Variants in LRRC9 observed in about 807,000 individuals in gnomAD.
LRRC9 encodes the protein leucine rich repeat containing 9.
LRRC9 carries 122 observed loss-of-function variants against 63.2 expected under a neutral mutation model. The observed-to-expected ratio is 1.93, with a 90% CI of 1.67 to 2.24. LRRC9 has a LOEUF of 2.24. LRRC9 is among the 30% of genes most tolerant of loss of function. The pLI is 0.00. For synonymous variants in LRRC9, 366 were observed against 213.1 expected, an observed-to-expected ratio of 1.72 and a Z score of -6.25; for missense variants, 1,071 against 627.7, an observed-to-expected ratio of 1.71 and a Z score of -7.55.
intron 1 of LRRC9, among the ~76,000 whole-genome samples, chr14:59,921,814 G>A (rs935566796): frequency 2.7e-5 from 4 of 150,414 alleles, no homozygotes; most frequent in South Asian, 2.1e-4. Flanking sequence ...GGCCAGGCAC[G>A]GTGGCTCATG....
intron 23 of LRRC9, among the ~76,000 whole-genome samples, chr14:60,015,385 G>C (rs1406871963): frequency 2.0e-5 from 3 of 152,082 alleles, no homozygotes; most frequent in Admixed American, 6.6e-5. Context: ...GGTATTATGT[G>C]GGTCTTATTT....
intron 20 of LRRC9, 86 bp downstream of exon 20, chr14:60,002,186 G>A (rs1266085088): frequency 1.9e-6 from 1 of 526,946 alleles, no homozygotes; most frequent in Non-Finnish European, 3.4e-6. Flanking sequence ...CATAAAGAGG[G>A]CACAGATAGG....
intron 1 of LRRC9, among the ~76,000 whole-genome samples, chr14:59,926,524 T>C (rs553782220): frequency 6.3e-4 from 96 of 152,300 alleles, no homozygotes; most frequent in Non-Finnish European, 1.0e-3. Context: ...CATAGGTATC[T>C]AATTTTATTT....
At chr14:59,985,418 T>C (rs975439232) in intron 17 of LRRC9, among the ~76,000 whole-genome samples, 194 bp downstream of exon 17, 1 of 152,210 alleles carries the variant, frequency 6.6e-6, no homozygotes, top group Non-Finnish European at 1.5e-5. Flanking sequence ...AATTTGATTG[T>C]GGTAATCATT....
chr14:60,035,887 G>T (rs559614837), intron 29 of LRRC9, among the ~76,000 whole-genome samples: 8 of 152,218 alleles, frequency 5.3e-5, no homozygotes, highest in African/African-American at 1.4e-4. Context: ...GATAGGGATT[G>T]CACTGAATAT....
At position 60,011,882 on chromosome 14, in the gene LRRC9, C is replaced by T. The variant is rs530445590; in HGVS notation, c.3186+3668C>T. 2.0e-5 allele frequency among the ~76,000 whole-genome samples: 3 copies of T among 152,292 alleles called. No individual in the cohort carries two copies. The East Asian group carries it at 5.8e-4, about 29-fold the overall frequency. ...ACATTAGTTTTATATGACAGAAGAT[C>T]ATCTGACTGGAGATGTCAAGCAGGC... is the stretch of plus-strand genomic sequence containing the variant. On this transcript the variant is annotated intron_variant, in intron 23 of 31. Transcript: ENST00000445360.
chr14:60,063,695 A>G (rs1595139808), downstream of LRRC9: 2 of 243,322 alleles, frequency 8.2e-6, no homozygotes, highest in East Asian at 1.5e-4. Flanking sequence ...TTCTAGTATT[A>G]GAAACATTTA....
intron 29 of LRRC9, among the ~76,000 whole-genome samples, chr14:60,038,350 A>G (rs974071154): frequency 1.3e-5 from 2 of 152,030 alleles, no homozygotes; most frequent in African/African-American, 4.8e-5. Flanking sequence ...TATAAATTAC[A>G]TTGGGCAGTA....
At chr14:59,992,298 A>G (rs1179274619) in intron 17 of LRRC9, among the ~76,000 whole-genome samples, 1 of 152,186 alleles carries the variant, frequency 6.6e-6, no homozygotes, top group Non-Finnish European at 1.5e-5. Context: ...CATCCACACC[A>G]AAACCCCATC....
chr14:59,939,349 G>A (rs1450447698), intron 7 of LRRC9, among the ~76,000 whole-genome samples: 1 of 151,970 alleles, frequency 6.6e-6, no homozygotes, highest in Non-Finnish European at 1.5e-5. Context: ...GATTATGTGA[G>A]ACTGTAGACT....
At position 60,053,932 on chromosome 14, in the gene LRRC9, G is replaced by C. The variant is rs1175351963; in HGVS notation, c.4131+727G>C. The C allele has an allele frequency of 2.2e-6, 1 of 455,444 alleles. No homozygotes were observed. The highest frequency in any genetic ancestry group is 4.4e-6 in the Non-Finnish European group (1 of 226,626). The allele number at this position is 455,444 out of a possible 1,614,324, so 28.2% of individuals were successfully genotyped here. A position where few individuals can be genotyped will look rare whatever the true frequency, so the allele number is the denominator to read the frequency against. Reference sequence around the variant, plus strand: ...GAAAAAAAGAGGCTGGAGGGAGAAGGGAAACCAGCTCAGAGGCTTTTAGAA... The same window carrying C: ...GAAAAAAAGAGGCTGGAGGGAGAAGCGAAACCAGCTCAGAGGCTTTTAGAA... On this transcript the variant is annotated intron_variant, in intron 30 of 31. Transcript: ENST00000445360. The surrounding 1 kb of genome is among the most constrained non-coding windows in gnomAD (Gnocchi z 4.8).
intron 17 of LRRC9, among the ~76,000 whole-genome samples, chr14:59,991,694 T>C (rs186730129): frequency 6.6e-6 from 1 of 152,304 alleles, no homozygotes; most frequent in East Asian, 1.9e-4. Flanking sequence ...CGGAGGGTCC[T>C]ACGCCCATGG....
intron 16 of LRRC9, 126 bp downstream of exon 16, chr14:59,982,186 G>A (rs926469042): frequency 1.6e-5 from 9 of 575,764 alleles, no homozygotes; most frequent in Admixed American, 3.3e-5. Context: ...TACCTAAAGC[G>A]TCCATTTCTC....
At chr14:60,063,903 A>AT (rs976685863), downstream of LRRC9, among the ~76,000 whole-genome samples, 15 of 152,130 alleles carry the variant, frequency 9.9e-5, no homozygotes, top group African/African-American at 3.6e-4. Context: ...TTAGGACTGT[A>AT]TTTTTTTAAA....
intron 25 of LRRC9, 27 bp from the exon 26 acceptor site, chr14:60,019,094 C>A: frequency 1.6e-6 from 1 of 643,826 alleles, no homozygotes; most frequent in South Asian, 1.8e-5. Flanking sequence ...TCTAGGATTT[C>A]TGATTAATAA....
chr14:59,921,869 A>G (rs918151230), intron 1 of LRRC9, among the ~76,000 whole-genome samples: 1 of 151,992 alleles, frequency 6.6e-6, no homozygotes, highest in African/African-American at 2.4e-5. Flanking sequence ...GTGGATCACA[A>G]GGTCAGGAGT....
At chr14:59,954,213 C>T (rs1417568726) in intron 8 of LRRC9, among the ~76,000 whole-genome samples, 2 of 152,146 alleles carry the variant, frequency 1.3e-5, no homozygotes, top group African/African-American at 2.4e-5. Context: ...CCAATGGTAG[C>T]TTGATGGGAA....
chr14:59,921,817 G>A (rs1007372317), intron 1 of LRRC9, among the ~76,000 whole-genome samples: 2 of 150,954 alleles, frequency 1.3e-5, no homozygotes, highest in Non-Finnish European at 2.9e-5. Flanking sequence ...CAGGCACGGT[G>A]GCTCATGCCT....
At chr14:60,062,286 T>C (rs1228605246) in intron 31 of LRRC9, 107 bp downstream of exon 32, 2 of 394,300 alleles carry the variant, frequency 5.1e-6, no homozygotes, top group Non-Finnish European at 8.9e-6. Flanking sequence ...TACTATTATA[T>C]ATTTACTCTG....
Sources: allele counts gnomAD v4.1 joint callset (sites outside exome capture counted in the v4.1 genomes callset), GRCh38; gene constraint gnomAD v4.1.1; non-coding constraint Gnocchi (gnomAD v3.1); transcripts MANE v1.5; gene names NCBI Gene and HGNC (gene_info 2026-07-23, HGNC 2026-07-21).